The following SLC9A9 variants were observed in gnomAD, a reference collection of about 807,000 sequenced individuals.
The protein encoded by SLC9A9 is sodium/hydrogen exchanger 9.
A neutral mutation model predicts 77.8 loss-of-function variants in SLC9A9; 62 were observed. That is an observed-to-expected ratio of 0.80 (90% CI 0.65 to 0.98). The LOEUF is 0.98. Ranked by LOEUF, SLC9A9 falls within the 50% of genes least tolerant of loss-of-function variation. SLC9A9 has a pLI of 0.00. For missense variants in SLC9A9, 775 were observed against 774.9 expected (o/e 1.00, Z 0.00); for synonymous variants, 320 against 283.5 (o/e 1.13, Z -1.29).
chr3:143,548,734 T>A (rs923209032), intron 9 of SLC9A9, among the ~76,000 whole-genome samples: 4 of 152,138 alleles, frequency 2.6e-5, no homozygotes, highest in Admixed American at 1.3e-4. Context: ...AGTTCCTACA[T>A]CTAAAGGGTC....
At chr3:143,572,626 CA>C (rs1483782560) in intron 8 of SLC9A9, among the ~76,000 whole-genome samples, 1 of 152,130 alleles carries the variant, frequency 6.6e-6, no homozygotes, top group African/African-American at 2.4e-5. Flanking sequence ...ACTAAAATAA[CA>C]GAATTTGTAT....
intron 9 of SLC9A9, among the ~76,000 whole-genome samples, chr3:143,538,694 C>T (rs1040369975): frequency 4.6e-5 from 7 of 152,132 alleles, no homozygotes; most frequent in Admixed American, 4.6e-4. Flanking sequence ...GATCTTCTAT[C>T]CCGGCCCTAC....
intron 14 of SLC9A9, among the ~76,000 whole-genome samples, chr3:143,320,178 G>A (rs191437338): frequency 9.8e-5 from 15 of 152,318 alleles, no homozygotes; most frequent in South Asian, 2.1e-4. Flanking sequence ...ATGGTTCCAC[G>A]AGGGCAGGCC....
At chr3:143,353,085 A>T (rs1478003702) in intron 14 of SLC9A9, among the ~76,000 whole-genome samples, 2 of 152,162 alleles carry the variant, frequency 1.3e-5, no homozygotes, top group Non-Finnish European at 2.9e-5. Flanking sequence ...AACACTCTGC[A>T]CCCTGTTCAG....
intron 5 of SLC9A9, among the ~76,000 whole-genome samples, chr3:143,664,851 T>A (rs1057155799): frequency 1.3e-5 from 2 of 152,178 alleles, no homozygotes; most frequent in Non-Finnish European, 2.9e-5. Context: ...CTTAGAGACA[T>A]ACAAAGAGAC....
At chr3:143,270,053 C>A (rs1431667342) in intron 14 of SLC9A9, among the ~76,000 whole-genome samples, 1 of 152,110 alleles carries the variant, frequency 6.6e-6, no homozygotes, top group African/African-American at 2.4e-5. Context: ...CCAAAGCAGG[C>A]CATGCACCTG....
At chr3:143,629,382 C>T (rs2038384196) in intron 6 of SLC9A9, among the ~76,000 whole-genome samples, 1 of 152,096 alleles carries the variant, frequency 6.6e-6, no homozygotes, top group South Asian at 2.1e-4. Context: ...GAATAATAGA[C>T]AATAAATGAG....
At chr3:143,448,179 G>C (rs2034878951) in intron 12 of SLC9A9, among the ~76,000 whole-genome samples, 1 of 152,114 alleles carries the variant, frequency 6.6e-6, no homozygotes, top group South Asian at 2.1e-4. Flanking sequence ...TGTGCAAATA[G>C]GGCATAGCTC....
intron 6 of SLC9A9, among the ~76,000 whole-genome samples, chr3:143,604,011 GA>G (rs1272883905): frequency 6.6e-6 from 1 of 152,054 alleles, no homozygotes; most frequent in African/African-American, 2.4e-5. Context: ...TTCGATAACA[GA>G]AAAAAACACA....
chr3:143,284,617 T>C (rs1477458399), intron 14 of SLC9A9, among the ~76,000 whole-genome samples: 1 of 152,138 alleles, frequency 6.6e-6, no homozygotes, highest in African/African-American at 2.4e-5. Context: ...ATATAATTTC[T>C]TTGTAGACAT....
intron 14 of SLC9A9, among the ~76,000 whole-genome samples, chr3:143,361,032 G>A (rs573313079): frequency 8.9e-4 from 136 of 152,358 alleles, no homozygotes; most frequent in African/African-American, 3.2e-3. Flanking sequence ...AAGGACTGCA[G>A]TATTAGCTCT....
chr3:143,731,559 A>T (rs565697738), intron 4 of SLC9A9, among the ~76,000 whole-genome samples: 1 of 152,348 alleles, frequency 6.6e-6, no homozygotes, highest in African/African-American at 2.4e-5. Flanking sequence ...TGAGCCAGGA[A>T]GTGCTTGGCT....
chr3:143,739,642 T>A (rs992003061), intron 4 of SLC9A9, among the ~76,000 whole-genome samples: 1 of 152,156 alleles, frequency 6.6e-6, no homozygotes, highest in African/African-American at 2.4e-5. Flanking sequence ...TTCATTTCAT[T>A]TCTCCAAAAA....
At chr3:143,545,933 C>T (rs577268635) in intron 9 of SLC9A9, among the ~76,000 whole-genome samples, 18 of 152,300 alleles carry the variant, frequency 1.2e-4, no homozygotes, top group South Asian at 6.2e-4. Context: ...CAGACACATA[C>T]GTTATGCTCC....
At chr3:143,363,378 T>C in intron 14 of SLC9A9, 106 bp downstream of exon 14, 2 of 1,018,426 alleles carry the variant, frequency 2.0e-6, no homozygotes, top group Admixed American at 3.5e-5. Flanking sequence ...TCACTTTACC[T>C]TTTGGTGTTT....
chr3:143,310,335 AAC>A (rs1409259559), intron 14 of SLC9A9, among the ~76,000 whole-genome samples: 1 of 152,154 alleles, frequency 6.6e-6, no homozygotes, highest in Non-Finnish European at 1.5e-5. Flanking sequence ...GTAAACTAAG[AAC>A]AGTTTCCAGT....
At chr3:143,558,252 G>A (rs367749873) in intron 8 of SLC9A9, among the ~76,000 whole-genome samples, 5 of 152,358 alleles carry the variant, frequency 3.3e-5, no homozygotes, top group African/African-American at 1.2e-4. Context: ...AGCCCTCATG[G>A]AGAACCTCTG....
intron 12 of SLC9A9, among the ~76,000 whole-genome samples, chr3:143,405,915 C>A (rs1195258582): frequency 1.3e-5 from 2 of 152,168 alleles, no homozygotes; most frequent in East Asian, 3.8e-4. Context: ...ACCTTTAGAT[C>A]AATTTCTAGA....
chr3:143,347,382 G>A (rs2032317098), intron 14 of SLC9A9, among the ~76,000 whole-genome samples: 1 of 152,078 alleles, frequency 6.6e-6, no homozygotes, highest in Non-Finnish European at 1.5e-5. Flanking sequence ...AAAGATAAAA[G>A]GGGAAATCAA....
Sources: allele counts gnomAD v4.1 joint callset (sites outside exome capture counted in the v4.1 genomes callset), GRCh38; gene constraint gnomAD v4.1.1; transcripts MANE v1.5; gene names NCBI Gene and HGNC (gene_info 2026-07-23, HGNC 2026-07-21).